The following BAZ2A variants were observed in gnomAD, a reference collection of about 807,000 sequenced individuals.
BAZ2A encodes the protein bromodomain adjacent to zinc finger domain 2A.
A neutral mutation model predicts 199.9 loss-of-function variants in BAZ2A; 34 were observed. The ratio of observed to expected loss-of-function variants is 0.17; its 90% CI spans 0.13 to 0.23. The LOEUF (loss-of-function observed/expected upper bound fraction) is 0.23, where lower values mean the gene tolerates loss of function less well. BAZ2A is among the 10% of genes least tolerant of loss of function. The probability of loss-of-function intolerance (pLI) is 1.00; values close to 1 mark genes in which losing one functional copy is unlikely to be tolerated. For missense variants in BAZ2A, 2,002 were observed against 2,391.1 expected (o/e 0.84, Z 3.39); for synonymous variants, 857 against 883.9 (o/e 0.97, Z 0.54).
Position 56,615,295 on chromosome 12 carries a change from T to C in BAZ2A, c.449A>G (p.Asn150Ser), listed in dbSNP as rs371172163. 17 of 1,613,854 alleles carry C rather than the reference T, an allele frequency of 1.1e-5. No homozygotes were observed. Among genetic ancestry groups the C allele is most frequent in the South Asian group, 3.3e-5 (3 of 91,086 alleles). The change falls in exon 3 of 29, where the codon AAC becomes AGC. Residue 150 changes from asparagine to serine, a missense_variant. Asn to Ser is a conservative substitution (Grantham distance 46). Around this residue, in one of 6 missense-constraint regions of BAZ2A, gnomAD observed 641 missense variants for 694.5 expected, o/e 0.92. Coordinates refer to ENST00000549884, the MANE Select transcript of BAZ2A (RefSeq NM_001300905.2). ...AAGCCCCATGGGACTCTGGGTACCG[T>C]TGGCCCAGAACTCTTGGCTCCCAGC... The part of the protein sequence containing the change: ...LRAGSQEFWA[N>S]GTQSPMGLNF...
upstream of BAZ2A, among the ~76,000 whole-genome samples, chr12:56,632,835 T>C (rs562537315): frequency 1.1e-4 from 16 of 152,268 alleles, no homozygotes; most frequent in Middle Eastern, 3.4e-3. Context: ...GCTGGATGTT[T>C]ACTTCTTGCT....
chr12:56,636,367 T>C, upstream of BAZ2A: 1 of 1,350,238 alleles, frequency 7.4e-7, no homozygotes, highest in Non-Finnish European at 9.6e-7. Flanking sequence ...GTGATGTCCC[T>C]GTGTGACAGA....
intron 10 of BAZ2A, among the ~76,000 whole-genome samples, chr12:56,609,384 C>A (rs1250265775): frequency 1.3e-5 from 2 of 152,110 alleles, no homozygotes; most frequent in East Asian, 1.9e-4. Context: ...AATTCTGAAC[C>A]TCCATGATAG....
Position 56,600,182 on chromosome 12 carries a change from G to A in BAZ2A, c.4892+19C>T. ...CCCTTTCTCTCCAAGACCAAGAATG[G>A]AGGGTGGGAGTCACTCACATCTCTG... On this transcript the variant is annotated intron_variant, in intron 24 of 28. Transcript: ENST00000549884. 1.2e-6 allele frequency: 2 copies of A among 1,612,340 alleles called. No homozygotes were observed. The highest frequency in any genetic ancestry group is 4.5e-5 in the East Asian group (2 of 44,836).
rs1248915037 is a variant in BAZ2A, at chr12:56,602,026, A to G, written c.3591T>C (p.Ser1197=). The part of the protein sequence containing the change: ...RGRPRKTKPG[S]MQPRHLKSPV... Reference sequence around the variant, plus strand: ...GGGACTTAAGATGCCTAGGTTGCATAGACCCGGGCTTAGTTTTTCGAGGTC... The same window carrying G: ...GGGACTTAAGATGCCTAGGTTGCATGGACCCGGGCTTAGTTTTTCGAGGTC... The change falls in exon 20 of 29, where the codon TCT becomes TCC. Residue 1197 remains serine, a synonymous_variant. Coordinates refer to ENST00000549884, the MANE Select transcript of BAZ2A (RefSeq NM_001300905.2). 6.4e-7 allele frequency: 1 copy of G among 1,554,664 alleles called. No homozygotes were observed. Among genetic ancestry groups the G allele is most frequent in the Admixed American group, 2.0e-5 (1 of 51,132 alleles).
chr12:56,607,598 C>A (rs1482763642), intron 10 of BAZ2A, among the ~76,000 whole-genome samples: 2 of 152,152 alleles, frequency 1.3e-5, no homozygotes, highest in African/African-American at 4.8e-5. Context: ...GTCTTGATTG[C>A]CTGACCTCAT....
At chr12:56,610,641 G>C in intron 7 of BAZ2A, 124 bp from the exon 8 acceptor site, 1 of 795,368 alleles carries the variant, frequency 1.3e-6, no homozygotes, top group Non-Finnish European at 2.0e-6. Context: ...ACTGCATGCA[G>C]ATGCAAAAGC....
In BAZ2A at chr12:56,599,794, C is replaced by G. The variant is rs777806071; in HGVS notation, c.5080G>C (p.Gly1694Arg). Residue 1694 changes from glycine to arginine, a missense_variant, in exon 26 of 29, where the codon GGG becomes CGG. Coordinates refer to ENST00000549884, the MANE Select transcript of BAZ2A (RefSeq NM_001300905.2). ...DNDEFLLLCD[G>R]CDRGCHIYCH... Reference sequence around the variant, plus strand: ...TAAATGTGGCAGCCACGGTCACACCCATCACAAAGCAGAAGAAACTCATCA... The same window carrying G: ...TAAATGTGGCAGCCACGGTCACACCGATCACAAAGCAGAAGAAACTCATCA... 1 of 1,613,894 alleles carries G rather than the reference C, an allele frequency of 6.2e-7. No individual in the cohort carries two copies. The highest frequency in any genetic ancestry group is 1.3e-5 in the African/African-American group (1 of 74,924).
intron 13 of BAZ2A, chr12:56,605,594 G>C (rs892332539): frequency 3.3e-6 from 2 of 610,288 alleles, no homozygotes; most frequent in Admixed American, 3.3e-5. Context: ...GCTAATTTTC[G>C]TATTTTTTGT....
upstream of BAZ2A, among the ~76,000 whole-genome samples, chr12:56,632,984 T>C (rs1010358973): frequency 6.6e-6 from 1 of 152,098 alleles, no homozygotes; most frequent in African/African-American, 2.4e-5. Flanking sequence ...TCCCCACCCA[T>C]TTCCCTTCAG....
In BAZ2A at chr12:56,609,760, G is replaced by A. The variant is rs1045914297; in HGVS notation, c.2068C>T (p.Pro690Ser). ...CCTTGGGCCTCCAGTTTCTTTAGGG[G>A]GCGGTTGTCTGTCTTGTTCAATAGC... ...TELLNKTDNR[P>S]LKKLEAQETL... Residue 690 changes from proline to serine, a missense_variant, in exon 10 of 29, where the codon CCC becomes TCC. Around this residue, in one of 6 missense-constraint regions of BAZ2A, gnomAD observed 1,081 missense variants for 1,274.7 expected, o/e 0.85. Coordinates refer to ENST00000549884, the MANE Select transcript of BAZ2A (RefSeq NM_001300905.2). 6.6e-5 allele frequency: 106 copies of A among 1,613,752 alleles called. No individual in the cohort carries two copies. Among genetic ancestry groups the A allele is most frequent in the Non-Finnish European group, 8.3e-5 (98 of 1,179,852 alleles).
intron 1 of BAZ2A, among the ~76,000 whole-genome samples, chr12:56,627,825 C>CA (rs547754562): frequency 0.057 from 3,280 of 57,836 alleles, 56 homozygotes; most frequent in Middle Eastern, 0.17. Context: ...GACCCTGTCT[C>CA]AAAAAAAAAA....
In BAZ2A at chr12:56,596,594, C is replaced by G. The variant is rs1885860532; in HGVS notation, c.*2024G>C. 3 of 152,542 alleles carry G rather than the reference C, an allele frequency of 2.0e-5. No individual in the cohort carries two copies. The South Asian group carries it at 6.2e-4, about 32-fold the overall frequency. The allele number at this position is 152,542 out of a possible 1,614,324, so 9.4% of individuals were successfully genotyped here. ...CCATCCACCTCACAATGAAATTAAT[C>G]TAGCACATCTTATACCAGGGGAAAA... On this transcript the variant is annotated 3_prime_UTR_variant, in exon 29 of 29. Transcript: ENST00000549884.
chr12:56,617,248 C>A (rs1459471638), intron 2 of BAZ2A, 147 bp downstream of exon 2: 3 of 1,021,252 alleles, frequency 2.9e-6, no homozygotes, highest in Non-Finnish European at 4.0e-6. Flanking sequence ...TAAATCAATA[C>A]AAAAAATGTT....
rs749992657 is a variant in BAZ2A at position 56,601,895 on chromosome 12, G to C, written c.3722C>G (p.Ser1241Cys). 6.2e-7 allele frequency: 1 copy of C among 1,611,108 alleles called. No individual in the cohort carries two copies. Among genetic ancestry groups the C allele is most frequent in the Non-Finnish European group, 8.5e-7 (1 of 1,178,598 alleles). ...TTCTTGCTCCAGGAACCCCTTATGG[G>C]ACTGAAGCTGAAGCTGAAGCTGAGG... ...PQPQLQLQLQ[S>C]HKGFLEQEGS... The change falls in exon 20 of 29, where the codon TCC becomes TGC. Residue 1241 changes from serine (S) to cysteine (C), a missense_variant. Coordinates refer to ENST00000549884, the MANE Select transcript of BAZ2A (RefSeq NM_001300905.2).
At chr12:56,610,678 G>A in intron 7 of BAZ2A, 161 bp from the exon 8 acceptor site, 1 of 650,588 alleles carries the variant, frequency 1.5e-6, no homozygotes, top group South Asian at 1.9e-5. Flanking sequence ...TTGGCTAGAA[G>A]GCTGACTTGA....
intron 4 of BAZ2A, 145 bp downstream of exon 4, chr12:56,613,808 G>T: frequency 1.3e-6 from 1 of 745,536 alleles, no homozygotes; most frequent in Non-Finnish European, 2.1e-6. Flanking sequence ...AAGTCCTGTG[G>T]CATGTAACTG....
Position 56,596,971 on chromosome 12 carries a change from C to T in BAZ2A, c.*1647G>A, listed in dbSNP as rs561311758. ...CCACCTCACCTGGCACCCCCACCCC[C>T]CAATGGAACATTTCTTGGATGCCTC... On this transcript the variant is annotated 3_prime_UTR_variant, in exon 29 of 29. Coordinates refer to ENST00000549884, the MANE Select transcript of BAZ2A (RefSeq NM_001300905.2). The T allele has an allele frequency of 2.0e-5, 3 of 152,750 alleles. No individual in the cohort carries two copies. Among genetic ancestry groups the T allele is most frequent in the African/African-American group, 7.2e-5 (3 of 41,402 alleles). The allele number at this position is 152,750 out of a possible 1,614,324, so 9.5% of individuals were successfully genotyped here.
In BAZ2A at chr12:56,602,195, G is replaced by A; in HGVS notation, c.3425-3C>T. ...CTTCTTTATCACCTCCTCAGGAACT[G>A]TAAAGAGAAGTAAAGAGTTAAGCCA... On this transcript the variant is annotated splice_region_variant and splice_polypyrimidine_tract_variant and intron_variant, in intron 19 of 28. Coordinates refer to ENST00000549884, the MANE Select transcript of BAZ2A (RefSeq NM_001300905.2). The A allele has an allele frequency of 6.4e-7, 1 of 1,558,324 alleles. No individual in the cohort carries two copies. Among genetic ancestry groups the A allele is most frequent in the Non-Finnish European group, 8.7e-7 (1 of 1,147,358 alleles).
Sources: gnomAD v4.1 joint callset for allele counts (sites outside exome capture counted in the v4.1 genomes callset) on GRCh38, gnomAD v4.1.1 for gene constraint, gnomAD v4.1.1 regional missense constraint, MANE v1.5 for transcripts, NCBI Gene and HGNC (gene_info 2026-07-23, HGNC 2026-07-21) for gene names.